MYO1D: variants seen among roughly 807,000 people sequenced by gnomAD.
The protein encoded by MYO1D is unconventional myosin-Id.
MYO1D carries 83 observed loss-of-function variants against 122.0 expected under a neutral mutation model. The ratio of observed to expected loss-of-function variants is 0.68; its 90% CI spans 0.57 to 0.82. MYO1D has a LOEUF of 0.82. MYO1D is among the 40% of genes least tolerant of loss of function. MYO1D has a pLI of 0.00. For synonymous variants in MYO1D, 464 were observed against 446.9 expected (o/e 1.04, Z -0.48); for missense variants, 1,157 against 1,269.5 (o/e 0.91, Z 1.35).
chr17:32,553,953 T>TG (rs1413425820), intron 21 of MYO1D, among the ~76,000 whole-genome samples: 1 of 152,186 alleles, frequency 6.6e-6, no homozygotes, highest in East Asian at 1.9e-4. Context: ...CTAACATGTC[T>TG]GTGTCATCTT....
intron 1 of MYO1D, among the ~76,000 whole-genome samples, chr17:32,846,702 A>G (rs1202887089): frequency 2.6e-5 from 4 of 152,228 alleles, no homozygotes; most frequent in Non-Finnish European, 5.9e-5. Context: ...GGTCAGGCAC[A>G]GGAGTGATAA....
chr17:32,494,674 G>T lies in MYO1D; in HGVS notation c.*85C>A. ...GAGGGGCCCTCGCAGCAGGTTTCTA[G>T]CGGGCATGGGTTGGGAGGCAGCAGC... On this transcript the variant is annotated 3_prime_UTR_variant, in exon 22 of 22. Transcript: ENST00000318217. 1 of 1,430,934 alleles carries T rather than the reference G, an allele frequency of 7.0e-7. No individual in the cohort carries two copies. Among genetic ancestry groups the T allele is most frequent in the East Asian group, 2.5e-5 (1 of 39,834 alleles). 88.6% of individuals were successfully genotyped at this position (1,430,934 alleles called of 1,614,324 possible).
At chr17:32,646,462 T>C (rs562775844) in intron 19 of MYO1D, among the ~76,000 whole-genome samples, 1 of 151,950 alleles carries the variant, frequency 6.6e-6, no homozygotes, top group South Asian at 2.1e-4. Context: ...TATATATATA[T>C]ATAAAAGAAA....
intron 1 of MYO1D, among the ~76,000 whole-genome samples, chr17:32,822,806 T>C (rs929243540): frequency 1.3e-5 from 2 of 151,590 alleles, no homozygotes; most frequent in African/African-American, 4.8e-5. Context: ...CGACCGCTCC[T>C]CAGTCGGGCC....
At chr17:32,514,802 A>G (rs990835335) in intron 21 of MYO1D, among the ~76,000 whole-genome samples, 1 of 152,216 alleles carries the variant, frequency 6.6e-6, no homozygotes, top group Non-Finnish European at 1.5e-5. Context: ...CAGCAGCAGG[A>G]AAGAGATGCG....
chr17:32,557,019 A>C (rs1163000218), intron 21 of MYO1D, among the ~76,000 whole-genome samples: 1 of 152,176 alleles, frequency 6.6e-6, no homozygotes, highest in Non-Finnish European at 1.5e-5. Context: ...AAGCAGTTTA[A>C]ACTATGATGA....
chr17:32,775,964 C>G lies in MYO1D; in HGVS notation c.464G>C (p.Arg155Pro), dbSNP rs548141126. The stretch of plus-strand genomic sequence containing the variant: ...TCCAAACCTGCTTGAGTTGTCATTA[C>G]GGTTGGTTTTGGCATTTCCAAAAGC... ...LEAFGNAKTN[R>P]NDNSSRFGKY... Residue 155 changes from arginine (R) to proline (P), a missense_variant, in exon 4 of 22, where the codon CGT (arginine) becomes CCT (proline). Coordinates refer to ENST00000318217, the MANE Select transcript of MYO1D (RefSeq NM_015194.3). 3 of 1,613,674 alleles carry G rather than the reference C, an allele frequency of 1.9e-6. No individual in the cohort carries two copies. The highest frequency in any genetic ancestry group is 2.5e-6 in the Non-Finnish European group (3 of 1,179,844).
At chr17:32,797,469 C>T (rs1202580243) in intron 1 of MYO1D, among the ~76,000 whole-genome samples, 3 of 152,194 alleles carry the variant, frequency 2.0e-5, no homozygotes, top group Admixed American at 6.5e-5. Flanking sequence ...CAGTTATCTT[C>T]GGTCAACCAT....
intron 15 of MYO1D, among the ~76,000 whole-genome samples, chr17:32,718,475 A>G (rs999476086): frequency 6.6e-4 from 101 of 152,116 alleles, no homozygotes; most frequent in Non-Finnish European, 2.9e-4. Flanking sequence ...AGGCGGGTGG[A>G]TCACCTGGGG....
rs549339315 is a variant in MYO1D at position 32,527,274 on chromosome 17, C to T, written c.2865-32359G>A. 2.0e-4 allele frequency among the ~76,000 whole-genome samples: 31 copies of T among 152,276 alleles called. No homozygotes were observed. The South Asian group carries it at 5.4e-3, about 26-fold the overall frequency. On this transcript the variant is annotated intron_variant, in intron 21 of 21. Coordinates refer to ENST00000318217, the MANE Select transcript of MYO1D (RefSeq NM_015194.3). ...GGAAGGCATGTGAAGCTGTGCCTGG[C>T]GCTGCCAAACCCACCCTGCATGCTG...
rs530977289 is a variant in MYO1D at position 32,795,765 on chromosome 17, A to G, written c.96-14981T>C. Among the ~76,000 whole-genome samples, 6 of 152,306 alleles carry G rather than the reference A, an allele frequency of 3.9e-5. No homozygotes were observed. In the South Asian group the frequency reaches 6.2e-4, roughly 16 times the overall value. On this transcript the variant is annotated intron_variant, in intron 1 of 21. Transcript: ENST00000318217. ...AAGGAGGAAGAGAGTCCGCCTGAAG[A>G]CAAGTACTCCTAAAGACTGAGAAAG...
intron 16 of MYO1D, among the ~76,000 whole-genome samples, chr17:32,698,492 G>A (rs1488521397): frequency 6.6e-6 from 1 of 151,640 alleles, no homozygotes; most frequent in Non-Finnish European, 1.5e-5. Context: ...AAAGAAGTCA[G>A]AGTGCTTTGT....
At position 32,792,329 on chromosome 17, in the gene MYO1D, G is replaced by A. The variant is rs184291725; in HGVS notation, c.96-11545C>T. On this transcript the variant is annotated intron_variant, in intron 1 of 21. Transcript: ENST00000318217. ...AATGTATGAGACTTTCTGTTTCATGGGTGTGGGTTTTTAAACCAACGATAC... is the reference window on the plus strand; with the variant it reads ...AATGTATGAGACTTTCTGTTTCATGAGTGTGGGTTTTTAAACCAACGATAC... 3.9e-5 allele frequency: 6 copies of A among 152,228 alleles called. No individual in the cohort carries two copies. In the East Asian group the frequency reaches 5.8e-4, roughly 15 times the overall value. 9.4% of individuals were successfully genotyped at this position (152,228 alleles called of 1,614,324 possible).
chr17:32,621,479 T>C (rs1226202144), intron 20 of MYO1D, among the ~76,000 whole-genome samples: 1 of 152,160 alleles, frequency 6.6e-6, no homozygotes, highest in Middle Eastern at 3.4e-3. Flanking sequence ...GATGATAGAA[T>C]TTATTGAATG....
intron 1 of MYO1D, among the ~76,000 whole-genome samples, chr17:32,863,346 A>G (rs2091094349): frequency 6.6e-6 from 1 of 152,246 alleles, no homozygotes; most frequent in Non-Finnish European, 1.5e-5. Flanking sequence ...CAGAGAAGAT[A>G]AAAAACAGAC....
chr17:32,595,788 A>T (rs551144119), intron 21 of MYO1D, among the ~76,000 whole-genome samples: 30 of 152,360 alleles, frequency 2.0e-4, no homozygotes, highest in African/African-American at 7.2e-4. Flanking sequence ...GTTGGAATAT[A>T]TACAATACAC....
chr17:32,695,318 G>C (rs989158635), intron 16 of MYO1D, among the ~76,000 whole-genome samples: 2 of 152,218 alleles, frequency 1.3e-5, no homozygotes, highest in African/African-American at 4.8e-5. Context: ...AGGAGGCGGA[G>C]CTCAGGTGGT....
chr17:32,714,694 T>C (rs1275045724), intron 15 of MYO1D, among the ~76,000 whole-genome samples: 3 of 152,130 alleles, frequency 2.0e-5, no homozygotes, highest in Admixed American at 6.6e-5. Context: ...AAGACTTAAA[T>C]GTAAAACCCA....
intron 14 of MYO1D, among the ~76,000 whole-genome samples, chr17:32,722,724 GGAT>G (rs2089526596): frequency 6.6e-6 from 1 of 152,176 alleles, no homozygotes; most frequent in South Asian, 2.1e-4. Flanking sequence ...TGGACATCTG[GGAT>G]GACTATGGTA....
Sources: allele counts gnomAD v4.1 joint callset (sites outside exome capture counted in the v4.1 genomes callset), GRCh38; gene constraint gnomAD v4.1.1; transcripts MANE v1.5; gene names NCBI Gene and HGNC (gene_info 2026-07-23, HGNC 2026-07-21).